PRR16: variants seen among roughly 807,000 people sequenced by gnomAD.
The protein encoded by PRR16 is proline rich 16.
Under a neutral mutation model 18.2 loss-of-function variants are expected in PRR16, and 6 were observed. That is an observed-to-expected ratio of 0.33 (90% CI 0.18 to 0.65). PRR16 has a LOEUF of 0.65. Among genes scored for constraint, PRR16 ranks in the 30% least tolerant of loss-of-function variants. The pLI is 0.74. For synonymous variants in PRR16, 151 were observed against 147.8 expected (o/e 1.02, Z -0.16); for missense variants, 412 against 376.6 (o/e 1.09, Z -0.78).
intron 1 of PRR16, among the ~76,000 whole-genome samples, chr5:120,660,991 G>A (rs893393087): frequency 6.6e-6 from 1 of 152,016 alleles, no homozygotes; most frequent in African/African-American, 2.4e-5. Flanking sequence ...AGATCTTTGA[G>A]AGTTTCTGTC....
At chr5:120,779,036 A>G in the PRR16 span, among the ~76,000 whole-genome samples, 1 of 152,324 alleles carries the variant, frequency 6.6e-6, no homozygotes, top group South Asian at 2.1e-4. Flanking sequence ...TCATTCCACC[A>G]TGAAAAAATG....
chr5:120,651,120 T>C (rs994177292), intron 1 of PRR16, among the ~76,000 whole-genome samples: 1 of 152,184 alleles, frequency 6.6e-6, no homozygotes, highest in Non-Finnish European at 1.5e-5. Flanking sequence ...GCTGCATAAA[T>C]GTCTTCTTTT....
chr5:120,526,371 A>T (rs1751346549), intron 1 of PRR16, among the ~76,000 whole-genome samples: 1 of 152,194 alleles, frequency 6.6e-6, no homozygotes, highest in South Asian at 2.1e-4. Context: ...GTGTTTAAAT[A>T]AGCATTTATG....
At chr5:120,632,054 C>A (rs1168865518) in intron 1 of PRR16, among the ~76,000 whole-genome samples, 1 of 152,208 alleles carries the variant, frequency 6.6e-6, no homozygotes, top group East Asian at 1.9e-4. Context: ...CGGATCACAT[C>A]ACAGGACTCT....
At chr5:120,705,749 A>C in the PRR16 span, among the ~76,000 whole-genome samples, 1 of 152,096 alleles carries the variant, frequency 6.6e-6, no homozygotes, top group Admixed American at 6.5e-5. Context: ...AGTAAGTGTA[A>C]ACAATTCACA....
the PRR16 span, among the ~76,000 whole-genome samples, chr5:120,737,307 G>GTTTTTTT: frequency 3.9e-5 from 2 of 51,100 alleles, no homozygotes; most frequent in Non-Finnish European, 7.3e-5. Context: ...AGTTTGTTGA[G>GTTTTTTT]TTTTTTTTTT....
At chr5:120,673,529 T>C (rs1306337024) in intron 1 of PRR16, among the ~76,000 whole-genome samples, 3 of 152,242 alleles carry the variant, frequency 2.0e-5, no homozygotes, top group Non-Finnish European at 2.9e-5. Context: ...TTTTAAAGGC[T>C]ACAAGTGTCT....
chr5:120,479,565 A>T (rs1191916305), intron 1 of PRR16, among the ~76,000 whole-genome samples: 1 of 152,162 alleles, frequency 6.6e-6, no homozygotes, highest in Non-Finnish European at 1.5e-5. Flanking sequence ...ATTGATTTCA[A>T]ACTGCTTTAA....
At chr5:120,491,827 A>T (rs995681299) in intron 1 of PRR16, among the ~76,000 whole-genome samples, 1 of 152,162 alleles carries the variant, frequency 6.6e-6, no homozygotes, top group Admixed American at 6.5e-5. Context: ...TACAGGCGTG[A>T]TCCACTGTGC....
intron 1 of PRR16, among the ~76,000 whole-genome samples, chr5:120,485,997 G>A (rs942383408): frequency 6.6e-6 from 1 of 152,156 alleles, no homozygotes; most frequent in African/African-American, 2.4e-5. Flanking sequence ...TCTTATGGCT[G>A]CATAGTATTC....
chr5:120,608,327 A>T (rs1207033689), intron 1 of PRR16, among the ~76,000 whole-genome samples: 1 of 152,234 alleles, frequency 6.6e-6, no homozygotes, highest in East Asian at 1.9e-4. Context: ...AAACAGATTT[A>T]TTAGACTAGG....
chr5:120,788,598 A>G, the PRR16 span, among the ~76,000 whole-genome samples: 1 of 152,108 alleles, frequency 6.6e-6, no homozygotes, highest in Non-Finnish European at 1.5e-5. Flanking sequence ...AAATGGCACC[A>G]ATAGAGGCAA....
At chr5:120,640,233 C>T (rs114866636) in intron 1 of PRR16, among the ~76,000 whole-genome samples, 85 of 152,116 alleles carry the variant, frequency 5.6e-4, no homozygotes, top group African/African-American at 1.9e-3. Flanking sequence ...ATTCATACCT[C>T]GTACCTCAGC....
chr5:120,703,087 C>T, the PRR16 span, among the ~76,000 whole-genome samples: 2 of 151,770 alleles, frequency 1.3e-5, no homozygotes, highest in Non-Finnish European at 2.9e-5. Flanking sequence ...AGGGTGGGGC[C>T]ATTTTATAGG....
the PRR16 span, among the ~76,000 whole-genome samples, chr5:120,697,138 G>T: frequency 1.3e-5 from 2 of 152,180 alleles, no homozygotes; most frequent in African/African-American, 4.8e-5. Context: ...AGAAAAAGTT[G>T]CTTTTTCCTC....
chr5:120,753,075 T>C, the PRR16 span, among the ~76,000 whole-genome samples: 1 of 152,004 alleles, frequency 6.6e-6, no homozygotes. Context: ...GATATGACTT[T>C]GGTTTTGAGC....
chr5:120,734,574 C>T, the PRR16 span, among the ~76,000 whole-genome samples: 132 of 152,128 alleles, frequency 8.7e-4, 1 homozygote, highest in South Asian at 0.012. Context: ...ATTCTTATAG[C>T]AGTACCTAGT....
intron 1 of PRR16, among the ~76,000 whole-genome samples, chr5:120,496,859 G>C (rs1372408547): frequency 6.6e-6 from 1 of 151,830 alleles, no homozygotes; most frequent in Non-Finnish European, 1.5e-5. Flanking sequence ...TTCCCACTCA[G>C]CACTGCTTTA....
intron 1 of PRR16, among the ~76,000 whole-genome samples, chr5:120,497,452 G>C (rs1252912557): frequency 7.0e-6 from 1 of 142,524 alleles, no homozygotes; most frequent in Non-Finnish European, 1.5e-5. Flanking sequence ...GTGCAATGGC[G>C]TGATCTTGGT....
Sources: allele counts gnomAD v4.1 joint callset (sites outside exome capture counted in the v4.1 genomes callset), GRCh38; gene constraint gnomAD v4.1.1; transcripts MANE v1.5; gene names NCBI Gene and HGNC (gene_info 2026-07-23, HGNC 2026-07-21).